The following OSBPL8 variants were observed in gnomAD, a reference collection of about 807,000 sequenced individuals.
OSBPL8 encodes oxysterol binding protein like 8, also known as oxysterol-binding protein-related protein 8.
OSBPL8 carries 59 observed loss-of-function variants against 125.5 expected under a neutral mutation model. The ratio of observed to expected loss-of-function variants is 0.47; its 90% confidence interval spans 0.38 to 0.58. OSBPL8 has a LOEUF of 0.58. OSBPL8 is among the 20% of genes least tolerant of loss of function. The probability of loss-of-function intolerance (pLI) is 0.00; values close to 1 mark genes in which losing one functional copy is unlikely to be tolerated. For synonymous variants in OSBPL8, 330 were observed against 338.9 expected (o/e 0.97, Z 0.29); for missense variants, 758 against 1,047.8 (o/e 0.72, Z 3.82).
At chr12:76,491,917 AT>A (rs1372179722) in intron 1 of OSBPL8, among the ~76,000 whole-genome samples, 1 of 152,054 alleles carries the variant, frequency 6.6e-6, no homozygotes, top group African/African-American at 2.4e-5. Flanking sequence ...TATTTTACTG[AT>A]TTTTTTCATG....
chr12:76,533,844 C>A (rs1444171787), intron 1 of OSBPL8, among the ~76,000 whole-genome samples: 1 of 152,112 alleles, frequency 6.6e-6, no homozygotes, highest in Non-Finnish European at 1.5e-5. Context: ...AAATGCATAA[C>A]CAACATCTAT....
intron 4 of OSBPL8, among the ~76,000 whole-genome samples, chr12:76,421,132 G>T (rs943628173): frequency 1.3e-5 from 2 of 151,898 alleles, no homozygotes; most frequent in African/African-American, 4.8e-5. Context: ...TGGCATGAAG[G>T]TCAGCAAACA....
chr12:76,536,257 C>T (rs1323182753), intron 1 of OSBPL8, among the ~76,000 whole-genome samples: 1 of 151,820 alleles, frequency 6.6e-6, no homozygotes. Flanking sequence ...GAAGGCGAGT[C>T]GGGCAGATCA....
intron 12 of OSBPL8, among the ~76,000 whole-genome samples, 176 bp downstream of exon 12, chr12:76,389,469 T>C (rs529977763): frequency 4.6e-5 from 7 of 152,328 alleles, no homozygotes; most frequent in Admixed American, 3.9e-4. Context: ...GGCAACATTA[T>C]AGCAAAGTAT....
At chr12:76,431,789 A>T (rs1468817577) in intron 4 of OSBPL8, among the ~76,000 whole-genome samples, 1 of 152,220 alleles carries the variant, frequency 6.6e-6, no homozygotes, top group African/African-American at 2.4e-5. Context: ...ATAGACAGCA[A>T]TATGATAATA....
intron 1 of OSBPL8, among the ~76,000 whole-genome samples, chr12:76,492,777 G>A (rs909406606): frequency 1.6e-4 from 24 of 152,218 alleles, no homozygotes; most frequent in African/African-American, 5.8e-4. Context: ...CTACATTATG[G>A]TGAGTTGTAT....
intron 1 of OSBPL8, among the ~76,000 whole-genome samples, chr12:76,517,184 A>T (rs1184383494): frequency 6.6e-6 from 1 of 152,202 alleles, no homozygotes; most frequent in East Asian, 1.9e-4. Flanking sequence ...CAAACTCCAT[A>T]TTTATGTATT....
At chr12:76,373,947 T>C (rs1057385230) in intron 17 of OSBPL8, among the ~76,000 whole-genome samples, 21 of 152,124 alleles carry the variant, frequency 1.4e-4, no homozygotes, top group African/African-American at 5.1e-4. Context: ...CATCTCTCCT[T>C]AGAGACAAAA....
At chr12:76,424,505 T>G (rs1408319589) in intron 4 of OSBPL8, among the ~76,000 whole-genome samples, 1 of 152,178 alleles carries the variant, frequency 6.6e-6, no homozygotes, top group Non-Finnish European at 1.5e-5. Flanking sequence ...ATAATTATAA[T>G]TCATGTAATG....
At chr12:76,417,308 C>G (rs528216279) in intron 4 of OSBPL8, among the ~76,000 whole-genome samples, 14 of 152,338 alleles carry the variant, frequency 9.2e-5, no homozygotes, top group African/African-American at 3.1e-4. Context: ...TGAAGGAAAT[C>G]TGGGTGTTTT....
chr12:76,397,925 A>G (rs769286619), intron 7 of OSBPL8, 28 bp from the exon 8 acceptor site: 5 of 1,600,748 alleles, frequency 3.1e-6, no homozygotes. Context: ...TATTTTAAAA[A>G]GGAAGATCTG....
chr12:76,510,678 G>A (rs537844465), intron 1 of OSBPL8, among the ~76,000 whole-genome samples: 12 of 152,106 alleles, frequency 7.9e-5, no homozygotes, highest in African/African-American at 2.4e-4. Context: ...TTGGGAGTTC[G>A]GGACCAGCCT....
At position 76,354,105 on chromosome 12, in the gene OSBPL8, T is replaced by C. The variant is rs1951906242; in HGVS notation, c.*1784A>G. 6.6e-6 allele frequency: 1 copy of C among 152,354 alleles called. No homozygotes were observed. Among genetic ancestry groups the C allele is most frequent in the African/African-American group, 2.4e-5 (1 of 41,440 alleles). The allele number at this position is 152,354 out of a possible 1,614,324, so 9.4% of individuals were successfully genotyped here. On this transcript the variant is annotated 3_prime_UTR_variant, in exon 24 of 24. Transcript: ENST00000261183. ...ATTGTACAATATTTACAGAATATCA[T>C]ATATCAATGAATAGGCAGAGTGTAA... is the stretch of plus-strand genomic sequence containing the variant.
chr12:76,558,770 G>A (rs886092527), intron 1 of OSBPL8, among the ~76,000 whole-genome samples: 1 of 152,246 alleles, frequency 6.6e-6, no homozygotes, highest in African/African-American at 2.4e-5. Flanking sequence ...GTGGTTCAAT[G>A]AACCTAAAGC....
rs150152647 is a variant in OSBPL8, at chr12:76,498,894, G to C, written c.-67-11276C>G. On this transcript the variant is annotated intron_variant, in intron 1 of 23. Transcript: ENST00000261183. ...ACCACCATGCCCAGCTACGTTTATT[G>C]TTTTTTGTCTTTTATAAAGATGAAG... 6.1e-3 allele frequency among the ~76,000 whole-genome samples: 927 copies of C among 152,000 alleles called. 20 individuals carry two copies. Among genetic ancestry groups the C allele is most frequent in the Admixed American group, 3.9e-3 (59 of 15,272 alleles).
intron 8 of OSBPL8, among the ~76,000 whole-genome samples, chr12:76,395,836 T>C (rs939030231): frequency 3.9e-5 from 6 of 152,182 alleles, no homozygotes; most frequent in African/African-American, 1.4e-4. Context: ...ATTTAAACAA[T>C]ATCCTAAGTA....
chr12:76,368,516 C>A (rs1412131787), intron 21 of OSBPL8, among the ~76,000 whole-genome samples: 1 of 152,054 alleles, frequency 6.6e-6, no homozygotes, highest in Non-Finnish European at 1.5e-5. Flanking sequence ...GTGGAACTCC[C>A]ATAATGCAAT....
At chr12:76,381,464 T>G (rs1238603740) in intron 15 of OSBPL8, among the ~76,000 whole-genome samples, 1 of 152,224 alleles carries the variant, frequency 6.6e-6, no homozygotes, top group African/African-American at 2.4e-5. Flanking sequence ...AATTTGTGTC[T>G]CTTAAGAAAT....
At chr12:76,550,363 CT>C (rs772595537) in intron 1 of OSBPL8, among the ~76,000 whole-genome samples, 16 of 152,096 alleles carry the variant, frequency 1.1e-4, no homozygotes, top group Non-Finnish European at 2.1e-4. Flanking sequence ...CATTATCTGG[CT>C]TAGCATTAAA....
Sources: gnomAD v4.1 joint callset for allele counts (sites outside exome capture counted in the v4.1 genomes callset) on GRCh38, gnomAD v4.1.1 for gene constraint, MANE v1.5 for transcripts, NCBI Gene and HGNC (gene_info 2026-07-23, HGNC 2026-07-21) for gene names.